The following NELL1 variants were observed in gnomAD, a reference collection of about 807,000 sequenced individuals.
NELL1 encodes the protein protein kinase C-binding protein NELL1.
In NELL1, 76 loss-of-function variants were observed where a neutral mutation model predicts 107.4. That is an observed-to-expected ratio of 0.71 (90% CI 0.59 to 0.86). NELL1 has a LOEUF of 0.86. Among genes scored for constraint, NELL1 ranks in the 40% least tolerant of loss-of-function variants. The pLI, the probability that NELL1 is intolerant of heterozygous loss-of-function variation, is 0.00. For synonymous variants in NELL1, 353 were observed against 341.2 expected (o/e 1.03, Z -0.38); for missense variants, 1,024 against 1,005.5 (o/e 1.02, Z -0.25).
At chr11:20,679,333 T>C (rs1854136683) in intron 2 of NELL1, among the ~76,000 whole-genome samples, 1 of 152,236 alleles carries the variant, frequency 6.6e-6, no homozygotes. Context: ...TGGATATTCC[T>C]CTACGAAAAT....
At chr11:20,931,017 G>A (rs1850606923) in intron 9 of NELL1, among the ~76,000 whole-genome samples, 2 of 152,262 alleles carry the variant, frequency 1.3e-5, no homozygotes, top group Non-Finnish European at 2.9e-5. Context: ...CTGGGCTGGA[G>A]GGCTTTCATT....
chr11:20,940,029 G>A (rs1004695564), intron 10 of NELL1, among the ~76,000 whole-genome samples: 1 of 152,262 alleles, frequency 6.6e-6, no homozygotes, highest in East Asian at 1.9e-4. Flanking sequence ...GGTGGCTGCT[G>A]CAGCTAGAAT....
intron 15 of NELL1, among the ~76,000 whole-genome samples, chr11:21,448,710 AT>A (rs1471141705): frequency 6.6e-5 from 10 of 152,198 alleles, no homozygotes; most frequent in Admixed American, 1.3e-4. Flanking sequence ...ATCCATTTTT[AT>A]AATTTGCTCG....
rs886438546 is a variant in NELL1 at position 21,495,433 on chromosome 11, T to C, written c.1646-38941T>C. Among the ~76,000 whole-genome samples the C allele has an allele frequency of 2.0e-5, 3 of 152,288 alleles. No homozygotes were observed. The South Asian group carries it at 6.2e-4, about 32-fold the overall frequency. On this transcript the variant is annotated intron_variant, in intron 15 of 19. Transcript: ENST00000357134. ...TTATAGACATTAGGGTTGTTTCTACTTTTTGACTATTATGAGTAAATCCAC... is the reference window on the plus strand; with the variant it reads ...TTATAGACATTAGGGTTGTTTCTACCTTTTGACTATTATGAGTAAATCCAC...
Position 21,179,579 on chromosome 11 carries a change from CTT to C in NELL1, c.1427-49751_1427-49750del, listed in dbSNP as rs978337022. Among the ~76,000 whole-genome samples, 5 of 151,866 alleles carry C rather than the reference CTT, an allele frequency of 3.3e-5. 1 individual carries two copies. Among genetic ancestry groups the C allele is most frequent in the African/African-American group, 1.2e-4 (5 of 41,132 alleles). ...AAATATATAAAAACACATTTTAAGT[CTT>C]TGCTTATGTCAAATCTATTAACATC... On this transcript the variant is annotated intron_variant, in intron 13 of 19. Coordinates refer to ENST00000357134, the MANE Select transcript of NELL1 (RefSeq NM_006157.5).
At chr11:21,029,252 T>C (rs910059247) in intron 12 of NELL1, among the ~76,000 whole-genome samples, 14 of 152,174 alleles carry the variant, frequency 9.2e-5, no homozygotes, top group African/African-American at 3.4e-4. Flanking sequence ...TTAGGCCATA[T>C]TTAGTTCACT....
At chr11:21,571,373 A>G (rs1857097273) in intron 18 of NELL1, among the ~76,000 whole-genome samples, 1 of 151,866 alleles carries the variant, frequency 6.6e-6, no homozygotes, top group African/African-American at 2.4e-5. Flanking sequence ...TAGAATCTAA[A>G]TGTGGTCCTC....
intron 15 of NELL1, among the ~76,000 whole-genome samples, chr11:21,421,972 A>G (rs1347342541): frequency 6.6e-6 from 1 of 152,164 alleles, no homozygotes; most frequent in Non-Finnish European, 1.5e-5. Context: ...TTTGGAGGCC[A>G]TTGTGTAGGG....
intron 13 of NELL1, among the ~76,000 whole-genome samples, chr11:21,139,681 A>G (rs1855823649): frequency 6.6e-6 from 1 of 152,204 alleles, no homozygotes. Flanking sequence ...ATTTGTTCAC[A>G]TTGTAGGTGA....
chr11:21,556,962 A>G (rs1388331874), intron 16 of NELL1, among the ~76,000 whole-genome samples: 1 of 151,910 alleles, frequency 6.6e-6, no homozygotes, highest in East Asian at 1.9e-4. Flanking sequence ...TGATTTGGGT[A>G]AGTCTCACGG....
chr11:20,968,189 T>C (rs906761519), intron 12 of NELL1, among the ~76,000 whole-genome samples: 1 of 152,246 alleles, frequency 6.6e-6, no homozygotes, highest in African/African-American at 2.4e-5. Context: ...ACTTATTCTT[T>C]GAAATTGTGT....
At chr11:21,270,281 G>A (rs1848714817) in intron 14 of NELL1, among the ~76,000 whole-genome samples, 1 of 151,958 alleles carries the variant, frequency 6.6e-6, no homozygotes, top group African/African-American at 2.4e-5. Context: ...CCAACTACGT[G>A]CTGTCTACAA....
At chr11:21,531,012 ATT>A (rs1855978070) in intron 15 of NELL1, among the ~76,000 whole-genome samples, 1 of 152,088 alleles carries the variant, frequency 6.6e-6, no homozygotes, top group Non-Finnish European at 1.5e-5. Flanking sequence ...TTCTTGGAAA[ATT>A]TGCATTTGAG....
chr11:21,556,250 G>C (rs902879877), intron 16 of NELL1, among the ~76,000 whole-genome samples: 2 of 151,854 alleles, frequency 1.3e-5, no homozygotes, highest in Non-Finnish European at 1.5e-5. Context: ...ATATTCAAAC[G>C]CTGGGTAAAC....
intron 15 of NELL1, among the ~76,000 whole-genome samples, chr11:21,410,765 A>G (rs1852355293): frequency 6.6e-6 from 1 of 152,074 alleles, no homozygotes; most frequent in Non-Finnish European, 1.5e-5. Flanking sequence ...GCCTGCCATG[A>G]AGTCTCTGTG....
intron 9 of NELL1, among the ~76,000 whole-genome samples, chr11:20,933,277 T>G (rs1486725912): frequency 6.6e-6 from 1 of 152,170 alleles, no homozygotes; most frequent in Non-Finnish European, 1.5e-5. Context: ...GCTGGCACAT[T>G]AGAGATACTC....
At chr11:21,292,524 A>G (rs116096437) in intron 14 of NELL1, among the ~76,000 whole-genome samples, 4,540 of 152,266 alleles carry the variant, frequency 0.03, 237 homozygotes, top group African/African-American at 0.1. Context: ...TATAGATTCA[A>G]TGCTCTCCCC....
chr11:20,960,272 T>G (rs1851263348), intron 11 of NELL1, among the ~76,000 whole-genome samples, 160 bp from the exon 12 acceptor site: 1 of 152,178 alleles, frequency 6.6e-6, no homozygotes, highest in South Asian at 2.1e-4. Context: ...CAAAGTTTCC[T>G]ATATCTATTC....
Position 20,918,204 on chromosome 11 carries a change from T to A in NELL1, c.626T>A (p.Ile209Asn). 6.3e-7 allele frequency: 1 copy of A among 1,599,902 alleles called. No homozygotes were observed. The highest frequency in any genetic ancestry group is 8.6e-7 in the Non-Finnish European group (1 of 1,167,922). Residue 209 changes from isoleucine to asparagine, a missense_variant, in exon 6 of 20, where the codon ATC becomes AAC. Physicochemically the swap from Ile to Asn is moderately radical, Grantham distance 149. Coordinates refer to ENST00000357134, the MANE Select transcript of NELL1 (RefSeq NM_006157.5). The stretch of plus-strand genomic sequence containing the variant: ...AAGGGGATCATCCAAGATGGGAAGA[T>A]CATCTTTATGCCGAATGGATATATA... ...LFKGIIQDGK[I>N]IFMPNGYITQ... is the part of the protein sequence containing the mutation.
Sources: allele counts gnomAD v4.1 joint callset (sites outside exome capture counted in the v4.1 genomes callset), GRCh38; gene constraint gnomAD v4.1.1; transcripts MANE v1.5; gene names NCBI Gene and HGNC (gene_info 2026-07-23, HGNC 2026-07-21).